DMD: variants seen among roughly 807,000 people sequenced by gnomAD.
The protein encoded by DMD is dystrophin.
A neutral mutation model predicts 330.1 loss-of-function variants in DMD; 63 were observed. The ratio of observed to expected loss-of-function variants is 0.19; its 90% CI spans 0.16 to 0.24. The LOEUF (loss-of-function observed/expected upper bound fraction) is 0.24, where lower values mean the gene tolerates loss of function less well. DMD is among the 10% of genes least tolerant of loss of function. The pLI, the probability that DMD is intolerant of heterozygous loss-of-function variation, is 1.00. For synonymous variants in DMD, 1,223 were observed against 959.8 expected, an observed-to-expected ratio of 1.27 and a Z score of -5.07; for missense variants, 3,344 against 2,684.1, an observed-to-expected ratio of 1.25 and a Z score of -5.43.
intron 1 of DMD, among the ~76,000 whole-genome samples, chrX:33,252,145 A>G (rs2052781696): frequency 8.9e-6 from 1 of 112,162 alleles, no homozygotes; most frequent in Non-Finnish European, 1.9e-5. Context: ...CTCGTGTTCA[A>G]GAGGCATGGT....
At chrX:31,669,502 G>A (rs1188394281) in intron 53 of DMD, among the ~76,000 whole-genome samples, 1 of 111,440 alleles carries the variant, frequency 9.0e-6, no homozygotes, top group Admixed American at 9.6e-5. Flanking sequence ...TATGGTGTGA[G>A]GTGGGGCCAA....
At chrX:32,672,156 C>T (rs1266945353) in intron 9 of DMD, among the ~76,000 whole-genome samples, 4 of 111,106 alleles carry the variant, frequency 3.6e-5, no homozygotes, top group African/African-American at 9.8e-5. Flanking sequence ...AGTTGTGGGA[C>T]AGGTCCTAAA....
chrX:32,423,135 C>T (rs183777967), intron 29 of DMD, among the ~76,000 whole-genome samples: 1 of 110,672 alleles, frequency 9.0e-6, no homozygotes, highest in Admixed American at 9.7e-5. Context: ...ATCCATACTA[C>T]TGATTTAGCT....
At chrX:32,740,252 C>T (rs1056136607) in intron 7 of DMD, among the ~76,000 whole-genome samples, 16 of 110,027 alleles carry the variant, frequency 1.5e-4, no homozygotes, top group East Asian at 2.9e-4. Context: ...TGAAGTTTGG[C>T]GGGAAGAAAA....
intron 60 of DMD, among the ~76,000 whole-genome samples, chrX:31,391,883 C>A (rs913850070): frequency 1.8e-5 from 2 of 109,000 alleles, no homozygotes; most frequent in African/African-American, 6.7e-5. Context: ...AAACAAAAAA[C>A]AAAAAGCAAG....
At chrX:33,071,189 C>G (rs758573390) in intron 1 of DMD, among the ~76,000 whole-genome samples, 2 of 111,043 alleles carry the variant, frequency 1.8e-5, no homozygotes, top group African/African-American at 6.6e-5. Flanking sequence ...TGGTGGCTCA[C>G]ACCTGTAATC....
chrX:31,314,750 G>C (rs200453479), intron 62 of DMD, among the ~76,000 whole-genome samples: 15,911 of 96,670 alleles, frequency 0.16, 918 homozygotes, highest in East Asian at 0.28. Flanking sequence ...CACAGAGAGA[G>C]AGAGAGAGAG....
At chrX:33,273,248 T>G (rs1349709806) in intron 1 of DMD, among the ~76,000 whole-genome samples, 2 of 112,265 alleles carry the variant, frequency 1.8e-5, no homozygotes, top group Non-Finnish European at 3.8e-5. Context: ...CCAACCCTGG[T>G]TATAATCTCT....
chrX:31,142,750 G>A (rs906984041), intron 76 of DMD, among the ~76,000 whole-genome samples: 2 of 112,360 alleles, frequency 1.8e-5, no homozygotes, highest in Admixed American at 9.4e-5. Context: ...GAGCCCATGA[G>A]AGCCAATAGG....
chrX:31,321,768 C>T (rs941051119), intron 62 of DMD, among the ~76,000 whole-genome samples: 3 of 110,186 alleles, frequency 2.7e-5, no homozygotes, highest in African/African-American at 9.9e-5. Context: ...TCTTTAGGTA[C>T]ATGAAGGAGC....
At chrX:33,042,381 C>G (rs1289028936) in intron 1 of DMD, among the ~76,000 whole-genome samples, 1 of 112,170 alleles carries the variant, frequency 8.9e-6, no homozygotes, top group Non-Finnish European at 1.9e-5. Flanking sequence ...AAATGCAACA[C>G]AAAAGACGAG....
chrX:31,849,737 G>A (rs769284972), intron 48 of DMD, among the ~76,000 whole-genome samples: 1 of 110,214 alleles, frequency 9.1e-6, no homozygotes, highest in East Asian at 2.8e-4. Context: ...ATAAATGAAG[G>A]TATATGAATA....
At chrX:32,897,080 C>T (rs1359716959) in intron 2 of DMD, among the ~76,000 whole-genome samples, 1 of 94,292 alleles carries the variant, frequency 1.1e-5, no homozygotes, top group Non-Finnish European at 2.1e-5. Flanking sequence ...TCATCAACGA[C>T]TGGGCATTTT....
intron 16 of DMD, among the ~76,000 whole-genome samples, chrX:32,549,429 T>A (rs1485992987): frequency 8.9e-6 from 1 of 111,832 alleles, no homozygotes; most frequent in Non-Finnish European, 1.9e-5. Context: ...CTTGAAATTC[T>A]TAGGTCTTGA....
intron 55 of DMD, among the ~76,000 whole-genome samples, chrX:31,603,096 C>G (rs1244230726): frequency 1.8e-5 from 2 of 110,292 alleles, no homozygotes; most frequent in African/African-American, 6.6e-5. Flanking sequence ...TCTGTCATAC[C>G]CCGAGTAGCT....
intron 7 of DMD, among the ~76,000 whole-genome samples, chrX:32,763,300 T>G (rs1196645635): frequency 8.9e-6 from 1 of 112,227 alleles, no homozygotes; most frequent in Non-Finnish European, 1.9e-5. Context: ...CTCAGGATCT[T>G]GAAGTCTATT....
chrX:32,684,445 A>C (rs2147370199), intron 9 of DMD, among the ~76,000 whole-genome samples: 1 of 111,316 alleles, frequency 9.0e-6, no homozygotes, highest in South Asian at 3.7e-4. Context: ...TGTTTATTAA[A>C]CTTTCCCTCT....
rs1487424804 is a variant in DMD, at chrX:31,787,387, A to T, written c.7310-13195T>A. Among the ~76,000 whole-genome samples the T allele has an allele frequency of 2.7e-5, 3 of 112,092 alleles. No homozygotes were observed. In the Admixed American group the frequency reaches 2.8e-4, roughly 11 times the overall value. On this transcript the variant is annotated intron_variant, in intron 50 of 78. Transcript: ENST00000357033. ...ATCATTCTCTAAATAAATAAATAAAAAGTTAATTATTTATTGGTATCACAT... is the reference window on the plus strand; with the variant it reads ...ATCATTCTCTAAATAAATAAATAAATAGTTAATTATTTATTGGTATCACAT...
At chrX:32,602,272 C>A (rs945425735) in intron 12 of DMD, among the ~76,000 whole-genome samples, 1 of 111,909 alleles carries the variant, frequency 8.9e-6, no homozygotes, top group Non-Finnish European at 1.9e-5. Flanking sequence ...TGGTAGCCCT[C>A]AATTCTCTTG....
Sources: gnomAD v4.1 joint callset for allele counts (sites outside exome capture counted in the v4.1 genomes callset) on GRCh38, gnomAD v4.1.1 for gene constraint, MANE v1.5 for transcripts, NCBI Gene and HGNC (gene_info 2026-07-23, HGNC 2026-07-21) for gene names.